ARHGEF10: variants seen among roughly 807,000 people sequenced by gnomAD.
The protein encoded by ARHGEF10 is Rho guanine nucleotide exchange factor 10.
Under a neutral mutation model 147.4 loss-of-function variants are expected in ARHGEF10, and 140 were observed. The observed-to-expected ratio is 0.95, with a 90% confidence interval of 0.83 to 1.09. ARHGEF10 has a LOEUF of 1.09. ARHGEF10 is among the 50% of genes least tolerant of loss of function. ARHGEF10 has a pLI of 0.00. For synonymous variants in ARHGEF10, 902 were observed against 695.8 expected (o/e 1.30, Z -4.67); for missense variants, 2,222 against 1,752.7 (o/e 1.27, Z -4.78).
rs149039734 is a variant in ARHGEF10, at chr8:1,956,930, G to C, written c.3702G>C (p.Gln1234His). 7 of 1,614,200 alleles carry C rather than the reference G, an allele frequency of 4.3e-6. No homozygotes were observed. The highest frequency in any genetic ancestry group is 5.9e-6 in the Non-Finnish European group (7 of 1,180,038). ...GAGGAGCTGGTTCATCTCTGAGCCA[G>C]GGTGACCCTGACGCAGCCATCTGGT... ...PSGGAGSSLS[Q>H]GDPDAAIWLG... The change falls in exon 29 of 29, where the codon CAG becomes CAC. Residue 1234 changes from glutamine to histidine, a missense_variant. By Grantham distance (24) the Gln-to-His change is conservative. Transcript: ENST00000349830.
intron 16 of ARHGEF10, 142 bp downstream of exon 16, chr8:1,903,593 G>A (rs747680052): frequency 5.9e-6 from 6 of 1,020,818 alleles, no homozygotes; most frequent in Admixed American, 2.1e-5. Context: ...GTGGATGGAG[G>A]CCTTCGGGAG....
intron 18 of ARHGEF10, among the ~76,000 whole-genome samples, chr8:1,916,574 C>G (rs1269766556): frequency 3.9e-5 from 6 of 152,154 alleles, no homozygotes; most frequent in African/African-American, 1.4e-4. Flanking sequence ...AGGCCTTGCG[C>G]TGGGAGGAGC....
chr8:1,875,222 T>C (rs900569506), intron 7 of ARHGEF10, among the ~76,000 whole-genome samples: 2 of 123,994 alleles, frequency 1.6e-5, no homozygotes, highest in East Asian at 5.5e-4. Flanking sequence ...TCTAAGACAG[T>C]CTGGTGGGAG....
intron 15 of ARHGEF10, among the ~76,000 whole-genome samples, chr8:1,902,371 T>C (rs1476662257): frequency 6.6e-6 from 1 of 152,118 alleles, no homozygotes; most frequent in African/African-American, 2.4e-5. Flanking sequence ...CCTGTTAACG[T>C]TTATCCTGTG....
intron 2 of ARHGEF10, among the ~76,000 whole-genome samples, chr8:1,844,670 C>T (rs1008290353): frequency 2.6e-5 from 4 of 152,156 alleles, no homozygotes; most frequent in African/African-American, 4.8e-5. Flanking sequence ...GGGGTGACGT[C>T]GGCCGGTCTC....
At chr8:1,911,000 GATTCAACCC>G (rs1415846016) in intron 18 of ARHGEF10, among the ~76,000 whole-genome samples, 1 of 152,220 alleles carries the variant, frequency 6.6e-6, no homozygotes, top group African/African-American at 2.4e-5. Flanking sequence ...AAAGCAGGGT[GATTCAACCC>G]ATTTTTAAAA....
chr8:1,833,406 A>G (rs1336988135), intron 1 of ARHGEF10, among the ~76,000 whole-genome samples: 1 of 151,588 alleles, frequency 6.6e-6, no homozygotes, highest in Non-Finnish European at 1.5e-5. Context: ...GCAGAGACAG[A>G]GACAGAGGCA....
At chr8:1,946,824 C>T (rs943147999) in intron 27 of ARHGEF10, among the ~76,000 whole-genome samples, 9 of 152,272 alleles carry the variant, frequency 5.9e-5, no homozygotes, top group East Asian at 3.9e-4. Context: ...GGATGTTCCT[C>T]GGGGCCTCCG....
At chr8:1,866,375 G>T in intron 5 of ARHGEF10, 151 bp from the exon 6 acceptor site, 1 of 741,428 alleles carries the variant, frequency 1.3e-6, no homozygotes, top group Non-Finnish European at 2.4e-6. Flanking sequence ...AATAATAGCT[G>T]GGAAAATATG....
rs975689594 is a variant in ARHGEF10 at position 1,958,037 on chromosome 8, G to A, written c.*774G>A. On this transcript the variant is annotated 3_prime_UTR_variant, in exon 29 of 29. Coordinates refer to ENST00000349830, the MANE Select transcript of ARHGEF10 (RefSeq NM_014629.4). Reference sequence around the variant, plus strand: ...AACACCAAATTATTCCTCCCTTCTCGTATAAATAGAGTGACTATCCACAGG... The same window carrying A: ...AACACCAAATTATTCCTCCCTTCTCATATAAATAGAGTGACTATCCACAGG... 2 of 152,202 alleles carry A rather than the reference G, an allele frequency of 1.3e-5. No individual in the cohort carries two copies. Among genetic ancestry groups the A allele is most frequent in the African/African-American group, 2.4e-5 (1 of 41,440 alleles). 9.4% of individuals were successfully genotyped at this position (152,202 alleles called of 1,614,324 possible).
In ARHGEF10 at chr8:1,873,642, G is replaced by T. The variant is rs973031878; in HGVS notation, c.680-2929G>T. 1.2e-4 allele frequency among the ~76,000 whole-genome samples: 10 copies of T among 80,794 alleles called. 1 individual carries two copies. Among genetic ancestry groups the T allele is most frequent in the Admixed American group, 2.2e-4 (2 of 8,938 alleles). The allele number at this position is 80,794 out of a possible 152,430, so 53.0% of individuals were successfully genotyped here. On this transcript the variant is annotated intron_variant, in intron 7 of 28. Coordinates refer to ENST00000349830, the MANE Select transcript of ARHGEF10 (RefSeq NM_014629.4). Reference sequence around the variant, plus strand: ...GGTAGTGCACCCGCATTTCCTAGTTGCCTTGAGAGGTGCCGCGGGGTAGTG... The same window carrying T: ...GGTAGTGCACCCGCATTTCCTAGTTTCCTTGAGAGGTGCCGCGGGGTAGTG...
At position 1,889,428 on chromosome 8, in the gene ARHGEF10, G is replaced by A. The variant is rs188346973; in HGVS notation, c.1182+3721G>A. 1.2e-4 allele frequency among the ~76,000 whole-genome samples: 9 copies of A among 74,154 alleles called. 1 individual carries two copies. Among genetic ancestry groups the A allele is most frequent in the East Asian group, 1.1e-3 (2 of 1,756 alleles). The allele number at this position is 74,154 out of a possible 152,430, so 48.6% of individuals were successfully genotyped here. A position where few individuals can be genotyped will look rare whatever the true frequency, so the allele number is the denominator to read the frequency against. On this transcript the variant is annotated intron_variant, in intron 11 of 28. Transcript: ENST00000349830. ...TGTGAGGAGACACTGAGTGGGGTGAGGGGTCTGTGAGGAGACACTGAGTGG... is the reference window on the plus strand; with the variant it reads ...TGTGAGGAGACACTGAGTGGGGTGAAGGGTCTGTGAGGAGACACTGAGTGG...
At position 1,903,258 on chromosome 8, in the gene ARHGEF10, C is replaced by A. The variant is rs755193472; in HGVS notation, c.1651-23C>A. The A allele has an allele frequency of 1.9e-6, 3 of 1,613,904 alleles. No individual in the cohort carries two copies. The South Asian group carries it at 3.3e-5, about 18-fold the overall frequency. ...TGGGAGTGTCCACGTGGTAACTGCCCACCTCTCCCCTGTTGCTTGTAGGAC... is the reference window on the plus strand; with the variant it reads ...TGGGAGTGTCCACGTGGTAACTGCCAACCTCTCCCCTGTTGCTTGTAGGAC... On this transcript the variant is annotated intron_variant, in intron 15 of 28. Coordinates refer to ENST00000349830, the MANE Select transcript of ARHGEF10 (RefSeq NM_014629.4).
intron 1 of ARHGEF10, among the ~76,000 whole-genome samples, chr8:1,824,632 C>T (rs1302600004): frequency 7.4e-6 from 1 of 135,000 alleles, no homozygotes; most frequent in African/African-American, 2.9e-5. Context: ...CTGCACTCCA[C>T]CAGTTCCCCG....
chr8:1,864,491 C>T, intron 5 of ARHGEF10, 55 bp downstream of exon 5: 2 of 1,564,912 alleles, frequency 1.3e-6, no homozygotes, highest in Non-Finnish European at 1.8e-6. Context: ...TCCTGAGGAG[C>T]TGGACGTGGG....
At chr8:1,935,012 C>G (rs11136444) in intron 26 of ARHGEF10, among the ~76,000 whole-genome samples, 48,495 of 151,966 alleles carry the variant, frequency 0.32, 8,600 homozygotes, top group Admixed American at 0.45. Context: ...AGGACATGAA[C>G]AGGCAGCTCA....
At chr8:1,914,761 C>T (rs1238384651) in intron 18 of ARHGEF10, among the ~76,000 whole-genome samples, 1 of 152,146 alleles carries the variant, frequency 6.6e-6, no homozygotes, top group Non-Finnish European at 1.5e-5. Flanking sequence ...GGCCAGGACT[C>T]GGCGCTGGTT....
At chr8:1,892,558 G>A (rs956461910) in intron 11 of ARHGEF10, among the ~76,000 whole-genome samples, 1 of 151,850 alleles carries the variant, frequency 6.6e-6, no homozygotes, top group Non-Finnish European at 1.5e-5. Flanking sequence ...TTGCCCGCTA[G>A]GTGGCAACGC....
chr8:1,910,179 G>A (rs1304559163), intron 18 of ARHGEF10, among the ~76,000 whole-genome samples: 2 of 151,920 alleles, frequency 1.3e-5, no homozygotes, highest in Non-Finnish European at 2.9e-5. Context: ...TAAAAAACAC[G>A]ATGCATGGGA....
Sources: gnomAD v4.1 joint callset for allele counts (sites outside exome capture counted in the v4.1 genomes callset) on GRCh38, gnomAD v4.1.1 for gene constraint, MANE v1.5 for transcripts, NCBI Gene and HGNC (gene_info 2026-07-23, HGNC 2026-07-21) for gene names.